Variants in RUVBL1 observed in about 807,000 individuals in gnomAD.
RUVBL1 encodes the protein RuvB like AAA ATPase 1.
A neutral mutation model predicts 52.4 loss-of-function variants in RUVBL1; 4 were observed. The observed-to-expected ratio is 0.08, with a 90% CI of 0.04 to 0.17. The LOEUF is 0.17. Among genes scored for constraint, RUVBL1 ranks in the 10% least tolerant of loss-of-function variants. The pLI, the probability that RUVBL1 is intolerant of heterozygous loss-of-function variation, is 1.00. For synonymous variants in RUVBL1, 217 were observed against 214.4 expected, an observed-to-expected ratio of 1.01 and a Z score of -0.10; for missense variants, 298 against 572.8, an observed-to-expected ratio of 0.52 and a Z score of 4.90.
At chr3:128,085,281 G>A (rs149753529) in intron 9 of RUVBL1, 35 of 152,258 alleles carry the variant, frequency 2.3e-4, no homozygotes, top group African/African-American at 6.7e-4. Context: ...GTGAAGGCTC[G>A]GTGAGATGCA....
At chr3:128,136,613 G>A (rs1337477613) in intron 1 of RUVBL1, among the ~76,000 whole-genome samples, 3 of 110,404 alleles carry the variant, frequency 2.7e-5, no homozygotes, top group African/African-American at 3.6e-5. Flanking sequence ...GTGACAGAGT[G>A]AGACCCTGTC....
In RUVBL1 at chr3:128,150,881, A is replaced by ATATTC. The variant is rs1944188151; in HGVS notation, c.-40+2321_-40+2322insGAATA. Among the ~76,000 whole-genome samples the ATATTC allele has an allele frequency of 7.9e-5, 6 of 76,086 alleles. 1 individual carries two copies. The highest frequency in any genetic ancestry group is 2.4e-4 in the African/African-American group (4 of 16,548). 49.9% of individuals were successfully genotyped at this position (76,086 alleles called of 152,430 possible). ...ATTATATATTATATATATATATTCTATATATATATTCTATATATATAATAT... is the reference window on the plus strand; with the variant it reads ...ATTATATATTATATATATATATTCTATATTCTATATATATTCTATATATATAATAT... On this transcript the variant is annotated intron_variant, in intron 1 of 9. Transcript: ENST00000464873.
At position 128,081,454 on chromosome 3, in the gene RUVBL1, G is replaced by A. The variant is rs368834831; in HGVS notation, c.1212-45C>T. On this transcript the variant is annotated intron_variant, in intron 10 of 10. Transcript: ENST00000322623. This position sits in a 1 kb window ranked among gnomAD's most constrained non-coding sequence, Gnocchi z 4.8. The stretch of plus-strand genomic sequence containing the variant: ...GGGCTGGAGTGAAACTGGGGCCACC[G>A]AAGAAAGCACCTTCCCCCCACATCA... The A allele has an allele frequency of 2.0e-5, 31 of 1,575,900 alleles. No individual in the cohort carries two copies. In the Middle Eastern group the frequency reaches 5.4e-4, roughly 28 times the overall value.
Position 128,153,626 on chromosome 3 carries a change from C to G in RUVBL1, c.-463G>C, listed in dbSNP as rs76829052. 1.9e-6 allele frequency: 3 copies of G among 1,597,360 alleles called. No homozygotes were observed. The African/African-American group carries it at 4.1e-5, about 22-fold the overall frequency. ...TCCACCGCCGCCTTTGACAAGCAGC[C>G]GCAGAGCCGCGAGCGCGGCATCACG... On this transcript the variant is annotated 5_prime_UTR_variant, in exon 1 of 10. Transcript: ENST00000464873.
In RUVBL1 at chr3:128,082,346, C is replaced by A; in HGVS notation, c.1211+137G>T. 1 of 657,828 alleles carries A rather than the reference C, an allele frequency of 1.5e-6. No individual in the cohort carries two copies. Among genetic ancestry groups the A allele is most frequent in the South Asian group, 1.8e-5 (1 of 57,004 alleles). The allele number at this position is 657,828 out of a possible 1,614,324, so 40.7% of individuals were successfully genotyped here. A position where few individuals can be genotyped will look rare whatever the true frequency, so the allele number is the denominator to read the frequency against. On this transcript the variant is annotated intron_variant, in intron 10 of 10. Transcript: ENST00000322623. The surrounding 1 kb of genome is among the most constrained non-coding windows in gnomAD (Gnocchi z 4.7). ...TGCATTTGAAACTCAAGTGCCCTGG[C>A]ACCCATCGCGCCAGGAAGAGCGGAT...
intron 8 of RUVBL1, 121 bp downstream of exon 8, chr3:128,097,178 CA>C (rs1943000666): frequency 1.0e-6 from 1 of 996,672 alleles, no homozygotes; most frequent in South Asian, 1.5e-5. Flanking sequence ...CATTTTCCCT[CA>C]AAAACAACAT....
Position 128,120,435 on chromosome 3 carries a change from CAT to C in RUVBL1, c.142-1023_142-1022del, listed in dbSNP as rs538491619. ...AATTTTATTAACCATTTGCAGTACA[CAT>C]GTGTGTATATATACACACACATATT... is the stretch of plus-strand genomic sequence containing the variant. On this transcript the variant is annotated intron_variant, in intron 1 of 10. Transcript: ENST00000322623. Among the ~76,000 whole-genome samples, 1,011 of 152,190 alleles carry C rather than the reference CAT, an allele frequency of 6.6e-3. 3 individuals carry two copies. Among genetic ancestry groups the C allele is most frequent in the South Asian group, 0.011 (51 of 4,824 alleles).
In RUVBL1 at chr3:128,087,618, C is replaced by T. The variant is rs530889393; in HGVS notation, c.1119+88G>A. On this transcript the variant is annotated intron_variant, in intron 9 of 10. Transcript: ENST00000322623. ...GTGAGATGGTGAATGGCAGCCAGAT[C>T]CAAGCCGCAGATACCTTTCTGCACA... 3.0e-6 allele frequency: 3 copies of T among 1,016,150 alleles called. No individual in the cohort carries two copies. The African/African-American group carries it at 4.8e-5, about 16-fold the overall frequency. The allele number at this position is 1,016,150 out of a possible 1,614,324, so 62.9% of individuals were successfully genotyped here.
At chr3:128,096,065 G>T (rs1394723766) in intron 8 of RUVBL1, among the ~76,000 whole-genome samples, 1 of 152,134 alleles carries the variant, frequency 6.6e-6, no homozygotes, top group African/African-American at 2.4e-5. Context: ...AGATACTCAT[G>T]GGCCACAGGG....
At chr3:128,140,650 G>A (rs1453341365) in intron 1 of RUVBL1, among the ~76,000 whole-genome samples, 7 of 151,728 alleles carry the variant, frequency 4.6e-5, no homozygotes, top group African/African-American at 9.7e-5. Flanking sequence ...TCCTCATACC[G>A]TCATGTGTCC....
chr3:128,146,717 A>G (rs1293855771), intron 1 of RUVBL1, among the ~76,000 whole-genome samples: 1 of 150,008 alleles, frequency 6.7e-6, no homozygotes, highest in Non-Finnish European at 1.5e-5. Context: ...GTGCGTGTGC[A>G]TGGCCCCATC....
chr3:128,099,439 G>C (rs1009302187), intron 6 of RUVBL1, among the ~76,000 whole-genome samples: 4 of 152,324 alleles, frequency 2.6e-5, no homozygotes, highest in Admixed American at 2.6e-4. Context: ...TGGACTATAA[G>C]AGTAAGTATA....
At position 128,080,924 on chromosome 3, in the gene RUVBL1, C is replaced by G. The variant is rs1576438240; in HGVS notation, c.*326G>C. 5 of 255,576 alleles carry G rather than the reference C, an allele frequency of 2.0e-5. No individual in the cohort carries two copies. The highest frequency in any genetic ancestry group is 3.0e-5 in the Non-Finnish European group (4 of 132,888). 15.8% of individuals were successfully genotyped at this position (255,576 alleles called of 1,614,324 possible). On this transcript the variant is annotated 3_prime_UTR_variant, in exon 11 of 11. Coordinates refer to ENST00000322623, the MANE Select transcript of RUVBL1 (RefSeq NM_003707.3). The stretch of plus-strand genomic sequence containing the variant: ...ACTGGGTACAAGATACATGGGAACT[C>G]CCTATTGTATGTTCACAATGACTCT...
At chr3:128,116,791 G>A (rs1943532645) in intron 2 of RUVBL1, among the ~76,000 whole-genome samples, 1 of 152,128 alleles carries the variant, frequency 6.6e-6, no homozygotes, top group Non-Finnish European at 1.5e-5. Context: ...CTACCACAGT[G>A]GATATGGTTA....
intron 7 of RUVBL1, among the ~76,000 whole-genome samples, chr3:128,098,575 G>A (rs1050243950): frequency 6.6e-5 from 10 of 152,148 alleles, no homozygotes; most frequent in Non-Finnish European, 1.0e-4. Flanking sequence ...ACTAGGGAGG[G>A]GGCTGACAGC....
At chr3:128,125,311 G>A (rs1220051268), upstream of RUVBL1, among the ~76,000 whole-genome samples, 1 of 152,020 alleles carries the variant, frequency 6.6e-6, no homozygotes, top group East Asian at 1.9e-4. Flanking sequence ...CACCGCGCCC[G>A]GCCTCTCACA....
intron 9 of RUVBL1, among the ~76,000 whole-genome samples, chr3:128,069,232 A>G (rs1050629511): frequency 1.3e-5 from 2 of 152,210 alleles, no homozygotes; most frequent in African/African-American, 4.8e-5. Flanking sequence ...CAAATCTCCA[A>G]AATCTTATGT....
chr3:128,070,777 T>G (rs913603147), intron 9 of RUVBL1: 1 of 152,412 alleles, frequency 6.6e-6, no homozygotes, highest in Non-Finnish European at 1.5e-5. Flanking sequence ...GTGTTTGAAA[T>G]AAGAAGACTC....
At chr3:128,137,730 T>A (rs6414310) in intron 1 of RUVBL1, among the ~76,000 whole-genome samples, 106,500 of 152,094 alleles carry the variant, frequency 0.7, 37,564 homozygotes, top group East Asian at 0.89. Flanking sequence ...CAAAGACGTA[T>A]CAAAAGAAGA....
Sources: gnomAD v4.1 joint callset for allele counts (sites outside exome capture counted in the v4.1 genomes callset) on GRCh38, gnomAD v4.1.1 for gene constraint, Gnocchi (gnomAD v3.1) non-coding constraint, MANE v1.5 for transcripts, NCBI Gene and HGNC (gene_info 2026-07-23, HGNC 2026-07-21) for gene names.